Variants in PRKACB observed in about 807,000 individuals in gnomAD.
PRKACB encodes protein kinase cAMP-activated catalytic subunit beta.
A neutral mutation model predicts 51.4 loss-of-function variants in PRKACB; 16 were observed. The observed-to-expected ratio is 0.31, with a 90% CI of 0.21 to 0.47. PRKACB has a LOEUF of 0.47. Ranked by LOEUF, PRKACB falls within the 20% of genes least tolerant of loss-of-function variation. The pLI is 1.00. For missense variants in PRKACB, 309 were observed against 464.5 expected (o/e 0.67, Z 3.08); for synonymous variants, 147 against 154.4 (o/e 0.95, Z 0.35).
chr1:84,193,041 A>G (rs1324484815), intron 5 of PRKACB, among the ~76,000 whole-genome samples: 1 of 152,098 alleles, frequency 6.6e-6, no homozygotes, highest in African/African-American at 2.4e-5. Flanking sequence ...TCCTCATCCA[A>G]ACCTCAAAAC....
chr1:84,171,240 A>C (rs1419696975), intron 1 of PRKACB, among the ~76,000 whole-genome samples: 1 of 151,660 alleles, frequency 6.6e-6, no homozygotes, highest in African/African-American at 2.4e-5. Flanking sequence ...TCATGATATA[A>C]GAAAACAAGT....
At chr1:84,130,189 C>CAA (rs71097833) in intron 1 of PRKACB, among the ~76,000 whole-genome samples, 3,028 of 53,588 alleles carry the variant, frequency 0.057, 190 homozygotes, top group African/African-American at 0.068. Flanking sequence ...GACTCCGTCT[C>CAA]AAAAAAAAAA....
intron 7 of PRKACB, among the ~76,000 whole-genome samples, chr1:84,199,335 G>T (rs926310463): frequency 2.0e-5 from 3 of 151,770 alleles, no homozygotes; most frequent in Non-Finnish European, 4.4e-5. Context: ...TCCAGTATCT[G>T]TTTTTTCCTT....
At chr1:84,098,795 CGAGA>C (rs1306021534) in intron 1 of PRKACB, among the ~76,000 whole-genome samples, 1 of 151,864 alleles carries the variant, frequency 6.6e-6, no homozygotes, top group Admixed American at 6.6e-5. Context: ...ATAGACAAAA[CGAGA>C]GAGAGGCAAG....
rs1292876719 is a variant in PRKACB at position 84,191,811 on chromosome 1, T to C, written c.561-4805T>C. Among the ~76,000 whole-genome samples the C allele has an allele frequency of 2.0e-5, 3 of 152,190 alleles. No individual in the cohort carries two copies. In the East Asian group the frequency reaches 5.8e-4, roughly 29 times the overall value. On this transcript the variant is annotated intron_variant, in intron 5 of 9. Transcript: ENST00000370685. ...TATGCCCATGTAGCAAACCTGCACA[T>C]GTACTCTCTGAATCTAAAATATAAA...
chr1:84,098,079 CTGA>C (rs1649059871), intron 1 of PRKACB, among the ~76,000 whole-genome samples: 1 of 151,982 alleles, frequency 6.6e-6, no homozygotes, highest in South Asian at 2.1e-4. Flanking sequence ...TTTTGTTTCC[CTGA>C]TGATTAATCA....
At chr1:84,231,046 G>GTATGA (rs1243855060) in intron 9 of PRKACB, among the ~76,000 whole-genome samples, 3,396 of 145,572 alleles carry the variant, frequency 0.023, 129 homozygotes, top group African/African-American at 0.082. Context: ...TGCCCATTCA[G>GTATGA]TATGATATTG....
upstream of PRKACB, among the ~76,000 whole-genome samples, chr1:84,142,133 T>C (rs1465046025): frequency 6.6e-6 from 1 of 152,164 alleles, no homozygotes; most frequent in East Asian, 1.9e-4. Flanking sequence ...AATACTTTTT[T>C]CTTTTAACAT....
upstream of PRKACB, among the ~76,000 whole-genome samples, chr1:84,142,706 A>T (rs556111608): frequency 1.6e-3 from 243 of 152,326 alleles, no homozygotes; most frequent in African/African-American, 5.4e-3. Context: ...ACATAAAGCT[A>T]TAAATTTAAG....
intron 1 of PRKACB, chr1:84,173,246 A>G (rs1288458641): frequency 5.0e-6 from 5 of 993,196 alleles, no homozygotes; most frequent in Non-Finnish European, 7.7e-6. Context: ...GCAGTACAGT[A>G]GTGAACATGT....
chr1:84,157,562 C>T (rs918066951), intron 1 of PRKACB, among the ~76,000 whole-genome samples: 38 of 152,154 alleles, frequency 2.5e-4, no homozygotes, highest in African/African-American at 8.7e-4. Context: ...TCAATCCCCA[C>T]TCTCACCTCA....
intron 1 of PRKACB, among the ~76,000 whole-genome samples, chr1:84,112,308 C>T (rs1413752235): frequency 2.7e-5 from 4 of 149,034 alleles, no homozygotes; most frequent in African/African-American, 1.0e-4. Flanking sequence ...TCTCAGCTCA[C>T]TGCAACCTCC....
chr1:84,086,080 G>A, intron 1 of PRKACB: 2 of 1,263,250 alleles, frequency 1.6e-6, no homozygotes, highest in Admixed American at 3.4e-5. Flanking sequence ...TGGCCAAGGT[G>A]TATATTGATG....
intron 9 of PRKACB, among the ~76,000 whole-genome samples, chr1:84,217,222 A>T (rs573809218): frequency 6.6e-6 from 1 of 152,352 alleles, no homozygotes; most frequent in South Asian, 2.1e-4. Flanking sequence ...TCTGGTTGAG[A>T]TATGTTTCAT....
At chr1:84,230,158 C>T (rs533564227) in intron 9 of PRKACB, among the ~76,000 whole-genome samples, 1 of 151,952 alleles carries the variant, frequency 6.6e-6, no homozygotes, top group Non-Finnish European at 1.5e-5. Context: ...TATGGCTAGC[C>T]AGTTTTCCCA....
At chr1:84,105,321 G>A (rs1649649300) in intron 1 of PRKACB, among the ~76,000 whole-genome samples, 2 of 151,950 alleles carry the variant, frequency 1.3e-5, no homozygotes, top group South Asian at 2.1e-4. Context: ...CCCTTGTTAT[G>A]GAGAGAAACT....
intron 1 of PRKACB, among the ~76,000 whole-genome samples, chr1:84,106,299 G>C (rs1649743428): frequency 6.6e-6 from 1 of 152,120 alleles, no homozygotes; most frequent in African/African-American, 2.4e-5. Context: ...CATTCAAATA[G>C]GAAGAGGGGA....
At chr1:84,128,082 C>T (rs1651807394) in intron 1 of PRKACB, among the ~76,000 whole-genome samples, 1 of 132,650 alleles carries the variant, frequency 7.5e-6, no homozygotes. Flanking sequence ...GATCTCGGCT[C>T]ACTGCAACCT....
chr1:84,163,038 TA>T (rs201476575), intron 1 of PRKACB, among the ~76,000 whole-genome samples: 1,618 of 152,196 alleles, frequency 0.011, 17 homozygotes, highest in Non-Finnish European at 0.016. Context: ...CTTCTTATTC[TA>T]ATTTTTATTT....
Sources: gnomAD v4.1 joint callset for allele counts (sites outside exome capture counted in the v4.1 genomes callset) on GRCh38, gnomAD v4.1.1 for gene constraint, MANE v1.5 for transcripts, NCBI Gene and HGNC (gene_info 2026-07-23, HGNC 2026-07-21) for gene names.